GPM6B: variants seen among roughly 807,000 people sequenced by gnomAD.
The protein encoded by GPM6B is glycoprotein M6B, also known as neuronal membrane glycoprotein M6-b.
Under a neutral mutation model 27.2 loss-of-function variants are expected in GPM6B, and 4 were observed. That is an observed-to-expected ratio of 0.15 (90% CI 0.07 to 0.34). The LOEUF (loss-of-function observed/expected upper bound fraction) is 0.34, where lower values mean the gene tolerates loss of function less well. Among genes scored for constraint, GPM6B ranks in the 10% least tolerant of loss-of-function variants. The pLI is 1.00. For missense variants in GPM6B, 183 were observed against 261.9 expected (o/e 0.70, Z 2.08); for synonymous variants, 124 against 103.1 (o/e 1.20, Z -1.23).
At chrX:13,821,194 C>G (rs958516594), upstream of GPM6B, among the ~76,000 whole-genome samples, 2 of 111,749 alleles carry the variant, frequency 1.8e-5, no homozygotes, top group Non-Finnish European at 3.8e-5. Flanking sequence ...ATAACACTTC[C>G]CAGTCTCTTT....
At chrX:13,901,944 A>T (rs1347587280) in intron 1 of GPM6B, among the ~76,000 whole-genome samples, 1 of 112,402 alleles carries the variant, frequency 8.9e-6, no homozygotes, top group Non-Finnish European at 1.9e-5. Flanking sequence ...TAAGTGTCAC[A>T]TAGAAGCAAA....
intron 1 of GPM6B, among the ~76,000 whole-genome samples, chrX:13,927,360 A>T (rs1921264485): frequency 1.8e-5 from 2 of 112,873 alleles, no homozygotes; most frequent in African/African-American, 6.4e-5. Flanking sequence ...CAGTGTGGTG[A>T]CAAAGCATTC....
At chrX:13,852,046 C>T (rs957126617) in intron 1 of GPM6B, among the ~76,000 whole-genome samples, 13 of 111,170 alleles carry the variant, frequency 1.2e-4, no homozygotes, top group Non-Finnish European at 2.3e-4. Flanking sequence ...AGGGCATCAA[C>T]ACTGATATAA....
At position 13,828,575 on chromosome X, in the gene GPM6B, A is replaced by T. The variant is rs762875701; in HGVS notation, c.-197-42767T>A. On this transcript the variant is annotated intron_variant, in intron 1 of 6. Transcript: ENST00000398361. ...TGACTAATACGCAAAGTCATCACACAAACAAACTGTGAGTGCCAGCTATCA... is the reference window on the plus strand; with the variant it reads ...TGACTAATACGCAAAGTCATCACACTAACAAACTGTGAGTGCCAGCTATCA... Among the ~76,000 whole-genome samples the T allele has an allele frequency of 8.6e-4, 97 of 112,143 alleles. 2 individuals are homozygous for T. The highest frequency in any genetic ancestry group is 3.9e-4 in the Non-Finnish European group (21 of 53,237).
chrX:13,785,274 A>G lies in GPM6B; in HGVS notation c.368+348T>C, dbSNP rs181524284. ...CTGAAAAACATCATGAGGTGGTTGC[A>G]TCTCAGATACTTTTTTTTTAAACAA... On this transcript the variant is annotated intron_variant, in intron 3 of 7. Transcript: ENST00000316715. Among the ~76,000 whole-genome samples, 7 of 111,524 alleles carry G rather than the reference A, an allele frequency of 6.3e-5. No individual in the cohort carries two copies. The Admixed American group carries it at 6.6e-4, about 11-fold the overall frequency.
chrX:13,774,778 C>T (rs1336343636), intron 7 of GPM6B, among the ~76,000 whole-genome samples: 2 of 111,907 alleles, frequency 1.8e-5, no homozygotes, highest in African/African-American at 6.5e-5. Flanking sequence ...CTATCTAGCA[C>T]ACACAAACTT....
intron 2 of GPM6B, among the ~76,000 whole-genome samples, chrX:13,801,038 T>TA (rs76875109): frequency 0.03 from 2,793 of 94,064 alleles, 76 homozygotes; most frequent in African/African-American, 0.081. Flanking sequence ...ACCTCATACT[T>TA]AAAAAAAAAA....
At chrX:13,812,405 C>G (rs190251061) in intron 1 of GPM6B, among the ~76,000 whole-genome samples, 1 of 111,789 alleles carries the variant, frequency 8.9e-6, no homozygotes, top group Admixed American at 9.5e-5. Flanking sequence ...ATTTGTGAAA[C>G]TGGGATTGTA....
chrX:13,891,993 G>T (rs1351555518), intron 1 of GPM6B, among the ~76,000 whole-genome samples: 2 of 111,751 alleles, frequency 1.8e-5, no homozygotes, highest in Non-Finnish European at 3.8e-5. Flanking sequence ...AAAGTCCACA[G>T]GCAGAAAATT....
At chrX:13,893,119 C>G (rs182596301) in intron 1 of GPM6B, among the ~76,000 whole-genome samples, 6 of 112,006 alleles carry the variant, frequency 5.4e-5, no homozygotes, top group African/African-American at 1.9e-4. Flanking sequence ...ATGGGTCATG[C>G]TTTGCCAAAC....
upstream of GPM6B, chrX:13,817,301 ATCTC>A (rs767608717): frequency 4.4e-3 from 3,157 of 718,719 alleles, 52 homozygotes; most frequent in African/African-American, 0.058. Context: ...CTCAATCTCG[ATCTC>A]TCTCTCTCTC....
intron 1 of GPM6B, among the ~76,000 whole-genome samples, chrX:13,850,915 G>A (rs1454994704): frequency 9.0e-6 from 1 of 111,168 alleles, no homozygotes; most frequent in African/African-American, 3.3e-5. Context: ...TGTAATCCCA[G>A]CACTTTGGGA....
chrX:13,777,654 A>G (rs1229766768), intron 5 of GPM6B, among the ~76,000 whole-genome samples: 2 of 112,353 alleles, frequency 1.8e-5, no homozygotes, highest in Non-Finnish European at 3.8e-5. Context: ...ACAGCCTGAT[A>G]TTTTTTTCCC....
chrX:13,852,929 C>T (rs903155743), intron 1 of GPM6B, among the ~76,000 whole-genome samples: 2 of 110,101 alleles, frequency 1.8e-5, no homozygotes, highest in African/African-American at 6.6e-5. Flanking sequence ...TACAGGTGCA[C>T]GCCACCATGC....
intron 1 of GPM6B, among the ~76,000 whole-genome samples, chrX:13,855,359 A>C (rs765597181): frequency 1.8e-5 from 2 of 111,761 alleles, no homozygotes; most frequent in East Asian, 5.6e-4. Context: ...CTCAGTTTCG[A>C]CTTTTATATA....
At chrX:13,903,056 C>A (rs776103038) in intron 1 of GPM6B, among the ~76,000 whole-genome samples, 1 of 112,187 alleles carries the variant, frequency 8.9e-6, no homozygotes, top group Non-Finnish European at 1.9e-5. Context: ...GAGCTTCACT[C>A]GAGGAGGACC....
At chrX:13,865,575 GA>G (rs1263119353) in intron 1 of GPM6B, among the ~76,000 whole-genome samples, 3 of 49,108 alleles carry the variant, frequency 6.1e-5, no homozygotes, top group African/African-American at 1.4e-4. Flanking sequence ...AAGAAAGAAA[GA>G]AAAGAAAAGA....
chrX:13,852,044 A>G (rs2049724099), intron 1 of GPM6B, among the ~76,000 whole-genome samples: 1 of 111,260 alleles, frequency 9.0e-6, no homozygotes. Flanking sequence ...GCAGGGCATC[A>G]ACACTGATAT....
At chrX:13,918,085 T>C (rs993570463) in intron 1 of GPM6B, among the ~76,000 whole-genome samples, 2 of 113,128 alleles carry the variant, frequency 1.8e-5, no homozygotes, top group Non-Finnish European at 3.7e-5. Flanking sequence ...AGGACTATCC[T>C]GTCACCAGAA....
Sources: gnomAD v4.1 joint callset for allele counts (sites outside exome capture counted in the v4.1 genomes callset) on GRCh38, gnomAD v4.1.1 for gene constraint, MANE v1.5 for transcripts, NCBI Gene and HGNC (gene_info 2026-07-23, HGNC 2026-07-21) for gene names.